DOK4: variants seen among roughly 807,000 people sequenced by gnomAD.
DOK4 encodes docking protein 4.
Under a neutral mutation model 40.1 loss-of-function variants are expected in DOK4, and 26 were observed. That is an observed-to-expected ratio of 0.65 (90% CI 0.48 to 0.90). The LOEUF is 0.90. Ranked by LOEUF, DOK4 falls within the 40% of genes least tolerant of loss-of-function variation. DOK4 has a pLI of 0.00. For missense variants in DOK4, 392 were observed against 437.2 expected, an observed-to-expected ratio of 0.90 and a Z score of 0.92; for synonymous variants, 179 against 177.0, an observed-to-expected ratio of 1.01 and a Z score of -0.09.
intron 2 of DOK4, among the ~76,000 whole-genome samples, chr16:57,477,878 C>T (rs1007528933): frequency 2.0e-5 from 3 of 152,200 alleles, no homozygotes; most frequent in Admixed American, 2.0e-4. Flanking sequence ...GAATTCCCTG[C>T]ATGGATAGGG....
chr16:57,479,807 CCTTCCTCCCGCCCTT>C lies in DOK4; in HGVS notation c.-181-134_-181-120del. 1 of 304,440 alleles carries C rather than the reference CCTTCCTCCCGCCCTT, an allele frequency of 3.3e-6. No individual in the cohort carries two copies. Among genetic ancestry groups the C allele is most frequent in the South Asian group, 4.1e-5 (1 of 24,552 alleles). The allele number at this position is 304,440 out of a possible 1,614,324, so 18.9% of individuals were successfully genotyped here. ...CCTCCTCTCTCCCTCTTCCCTCCCTCCTTCCTCCCGCCCTTCTTCCTTCCCTTCCCTCCCCACCCC... is the reference window on the plus strand; with the variant it reads ...CCTCCTCTCTCCCTCTTCCCTCCCTCCTTCCTTCCCTTCCCTCCCCACCCC... On this transcript the variant is annotated intron_variant, in intron 1 of 8. Coordinates refer to ENST00000340099, the Ensembl canonical transcript of DOK4. This position sits in a 1 kb window ranked among gnomAD's most constrained non-coding sequence, Gnocchi z 5.8.
chr16:57,475,186 G>A, exon 5 of DOK4: 11 of 1,613,970 alleles, frequency 6.8e-6, no homozygotes, highest in Non-Finnish European at 9.3e-6. Context: ...ACACTCCACA[G>A]ATAGTGTCTT....
At position 57,485,101 on chromosome 16, in the gene DOK4, TGAG is replaced by T. The variant is rs1456621348; in HGVS notation, c.-182+1201_-182+1203del. ...ACCTGGCTCAGCTTCCAGAGGTGCG[TGAG>T]CCACAGTGGGCTCCCAGCTCCTGGG... On this transcript the variant is annotated intron_variant, in intron 1 of 8. Transcript: ENST00000340099. The surrounding 1 kb of genome is among the most constrained non-coding windows in gnomAD (Gnocchi z 4.3). Among the ~76,000 whole-genome samples the T allele has an allele frequency of 6.6e-6, 1 of 152,246 alleles. No individual in the cohort carries two copies. Among genetic ancestry groups the T allele is most frequent in the African/African-American group, 2.4e-5 (1 of 41,474 alleles).
chr16:57,474,803 C>A lies in DOK4; in HGVS notation c.589G>T (p.Glu197Ter). The A allele has an allele frequency of 6.2e-7, 1 of 1,613,856 alleles. No individual in the cohort carries two copies. The highest frequency in any genetic ancestry group is 8.5e-7 in the Non-Finnish European group (1 of 1,179,956). Residue 197 changes from glutamate to a stop codon, truncating the protein, a stop_gained, in exon 6 of 9, where the codon GAG becomes TAG. Coordinates refer to ENST00000340099, the Ensembl canonical transcript of DOK4. LOFTEE classifies it high-confidence loss of function. ...GCGAGAGGGTCCTACCGGCCAGCCTCGAAGGTAAAGCGTGTGGCATCCCGG... is the reference window on the plus strand; with the variant it reads ...GCGAGAGGGTCCTACCGGCCAGCCTAGAAGGTAAAGCGTGTGGCATCCCGG...
chr16:57,478,765 C>T (rs1287175283), intron 2 of DOK4: 1 of 152,694 alleles, frequency 6.5e-6, no homozygotes, highest in Non-Finnish European at 1.5e-5. Flanking sequence ...CAGAGTCACC[C>T]ACCAACAACT....
exon 9 of DOK4, chr16:57,472,292 C>G (rs2030889245): frequency 6.6e-6 from 1 of 152,566 alleles, no homozygotes; most frequent in African/African-American, 2.4e-5. Context: ...AAACAAAACC[C>G]AAAAAACAAC....
In DOK4 at chr16:57,479,503, G is replaced by A. The variant is rs751229638; in HGVS notation, c.5C>T (p.Ala2Val). The A allele has an allele frequency of 1.9e-6, 3 of 1,613,548 alleles. No homozygotes were observed. The highest frequency in any genetic ancestry group is 1.3e-5 in the African/African-American group (1 of 75,012). ...CTTGACGATGTCACTGAAATTGGTC[G>A]CCATGGTTTTCCCACCTTTTAGGGG... The change falls in exon 2 of 9, where the codon GCG becomes GTG. Residue 2 changes from alanine to valine, a missense_variant. By Grantham distance (64) the Ala-to-Val change is moderately conservative. Transcript: ENST00000340099. This position sits in a 1 kb window ranked among gnomAD's most constrained non-coding sequence, Gnocchi z 5.8.
Position 57,479,593 on chromosome 16 carries a change from A to G in DOK4, c.-86T>C, listed in dbSNP as rs960773691. 3.1e-5 allele frequency: 45 copies of G among 1,462,434 alleles called. No individual in the cohort carries two copies. Among genetic ancestry groups the G allele is most frequent in the Non-Finnish European group, 4.1e-5 (43 of 1,056,058 alleles). The allele number at this position is 1,462,434 out of a possible 1,614,324, so 90.6% of individuals were successfully genotyped here. The stretch of plus-strand genomic sequence containing the variant: ...GCCTGGGTCTCCGGCTCCTCCAATC[A>G]CCTGTTCCAGACACTCTGTCGGGGC... On this transcript the variant is annotated 5_prime_UTR_variant, in exon 2 of 9. Transcript: ENST00000340099. The surrounding 1 kb of genome is among the most constrained non-coding windows in gnomAD (Gnocchi z 5.8).
intron 6 of DOK4, 58 bp from the exon 7 acceptor site, chr16:57,474,097 T>C (rs1240500907): frequency 3.7e-6 from 6 of 1,603,924 alleles, no homozygotes; most frequent in Non-Finnish European, 5.1e-6. Flanking sequence ...ATGCATGTGA[T>C]TAGTTAGGCT....
At chr16:57,483,697 G>C (rs1391203733) in intron 1 of DOK4, among the ~76,000 whole-genome samples, 3 of 152,126 alleles carry the variant, frequency 2.0e-5, no homozygotes, top group Non-Finnish European at 4.4e-5. Flanking sequence ...GGCAGGCCAG[G>C]AATTGGGTTG....
intron 1 of DOK4, among the ~76,000 whole-genome samples, chr16:57,482,658 C>T (rs967227365): frequency 6.6e-6 from 1 of 152,040 alleles, no homozygotes; most frequent in Non-Finnish European, 1.5e-5. Context: ...TGAGCCACTG[C>T]GCCCGGCCCC....
Position 57,479,370 on chromosome 16 carries a change from C to T in DOK4, c.66+72G>A. 6.4e-7 allele frequency: 1 copy of T among 1,572,460 alleles called. No individual in the cohort carries two copies. The highest frequency in any genetic ancestry group is 1.1e-5 in the South Asian group (1 of 89,404). ...CAGCCGCGTGCCCCACGCGCCATGC[C>T]TCCAAGCCTGGGACCGAGTCCTCGG... is the stretch of plus-strand genomic sequence containing the variant. On this transcript the variant is annotated intron_variant, in intron 2 of 8. Coordinates refer to ENST00000340099, the Ensembl canonical transcript of DOK4. The surrounding 1 kb of genome is among the most constrained non-coding windows in gnomAD (Gnocchi z 5.8).
upstream of DOK4, among the ~76,000 whole-genome samples, chr16:57,486,734 C>T (rs1309742448): frequency 2.6e-5 from 4 of 152,124 alleles, no homozygotes; most frequent in Non-Finnish European, 5.9e-5. Flanking sequence ...ACATCAGCTC[C>T]CAGCCCCCAC....
At chr16:57,475,109 C>T (rs769986058) in exon 5 of DOK4, 3 of 1,609,670 alleles carry the variant, frequency 1.9e-6, no homozygotes, top group African/African-American at 2.7e-5. Flanking sequence ...CCTGTCTGTT[C>T]ACACTGCACC....
intron 5 of DOK4, 54 bp downstream of exon 5, chr16:57,475,046 C>A: frequency 1.9e-6 from 3 of 1,577,334 alleles, no homozygotes; most frequent in South Asian, 2.3e-5. Context: ...TCCTCCCTCC[C>A]TTCCTCTCTT....
intron 1 of DOK4, among the ~76,000 whole-genome samples, chr16:57,484,647 C>A (rs946453191): frequency 1.2e-4 from 18 of 152,276 alleles, no homozygotes; most frequent in African/African-American, 4.1e-4. Flanking sequence ...CATGCCAAAA[C>A]CCCTCCCTCG....
In DOK4 at chr16:57,479,679, C is replaced by T; in HGVS notation, c.-172G>A. The T allele has an allele frequency of 3.5e-6, 2 of 573,840 alleles. No homozygotes were observed. Among genetic ancestry groups the T allele is most frequent in the Non-Finnish European group, 6.1e-6 (2 of 326,480 alleles). 35.5% of individuals were successfully genotyped at this position (573,840 alleles called of 1,614,324 possible). Reference sequence around the variant, plus strand: ...AGCATTGTTCTAGCAGCTCCTTCGCCCCGCGCCTGCTGGAAATAAAAATGA... The same window carrying T: ...AGCATTGTTCTAGCAGCTCCTTCGCTCCGCGCCTGCTGGAAATAAAAATGA... On this transcript the variant is annotated 5_prime_UTR_variant, in exon 2 of 9. Transcript: ENST00000340099. This position sits in a 1 kb window ranked among gnomAD's most constrained non-coding sequence, Gnocchi z 5.8.
In DOK4 at chr16:57,475,660, A is replaced by ATCTCTCTCTCTCTCTCTCTCTCTCTC. The variant is rs745508207; in HGVS notation, c.175-66_175-41dup. 3.6e-5 allele frequency: 17 copies of ATCTCTCTCTCTCTCTCTCTCTCTCTC among 477,048 alleles called. No homozygotes were observed. In the African/African-American group the frequency reaches 5.8e-4, roughly 16 times the overall value. 29.6% of individuals were successfully genotyped at this position (477,048 alleles called of 1,614,324 possible). ...ACAAGGGACTTAGCCAGGCCAGTGCATCTCTCTCTCTCTCTCTCTCTCTCT... is the reference window on the plus strand; with the variant it reads ...ACAAGGGACTTAGCCAGGCCAGTGCATCTCTCTCTCTCTCTCTCTCTCTCTCTCTCTCTCTCTCTCTCTCTCTCTCT... On this transcript the variant is annotated intron_variant, in intron 3 of 8. Coordinates refer to ENST00000340099, the Ensembl canonical transcript of DOK4.
Position 57,485,950 on chromosome 16 carries a change from T to C in DOK4, c.-182+355A>G, listed in dbSNP as rs776035109. On this transcript the variant is annotated intron_variant, in intron 1 of 8. Coordinates refer to ENST00000340099, the Ensembl canonical transcript of DOK4. This position sits in a 1 kb window ranked among gnomAD's most constrained non-coding sequence, Gnocchi z 4.3. ...GAGGAGCAGGAAGGCAGAGAGAAGG[T>C]TGGGAGCTGCCAGGGGCTGGGTTAT... 6.6e-6 allele frequency among the ~76,000 whole-genome samples: 1 copy of C among 151,722 alleles called. No individual in the cohort carries two copies. The highest frequency in any genetic ancestry group is 1.5e-5 in the Non-Finnish European group (1 of 67,838).
Sources: gnomAD v4.1 joint callset for allele counts (sites outside exome capture counted in the v4.1 genomes callset) on GRCh38, gnomAD v4.1.1 for gene constraint, Gnocchi (gnomAD v3.1) non-coding constraint, MANE v1.5 for transcripts, NCBI Gene and HGNC (gene_info 2026-07-23, HGNC 2026-07-21) for gene names.